Variants in RNLS observed in about 807,000 individuals in gnomAD.
The protein encoded by RNLS is renalase, FAD dependent amine oxidase.
A neutral mutation model predicts 39.8 loss-of-function variants in RNLS; 39 were observed. The ratio of observed to expected loss-of-function variants is 0.98; its 90% CI spans 0.76 to 1.28. The LOEUF (loss-of-function observed/expected upper bound fraction) is 1.28, where lower values mean the gene tolerates loss of function less well. RNLS is among the 50% of genes most tolerant of loss of function. The probability of loss-of-function intolerance (pLI) is 0.00; values close to 1 mark genes in which losing one functional copy is unlikely to be tolerated. For synonymous variants in RNLS, 147 were observed against 150.7 expected, an observed-to-expected ratio of 0.98 and a Z score of 0.18; for missense variants, 410 against 413.3, an observed-to-expected ratio of 0.99 and a Z score of 0.07.
the RNLS span, among the ~76,000 whole-genome samples, chr10:88,261,158 T>C: frequency 6.6e-6 from 1 of 152,258 alleles, no homozygotes; most frequent in African/African-American, 2.4e-5. Context: ...GTTTCATTCC[T>C]CTTTCTGTAT....
chr10:88,272,591 T>C (rs1366172971), downstream of RNLS, among the ~76,000 whole-genome samples: 2 of 152,190 alleles, frequency 1.3e-5, no homozygotes, highest in Admixed American at 6.5e-5. Flanking sequence ...TTTTGATCCC[T>C]AACATATCCC....
At chr10:88,359,967 G>A (rs1399412666) in intron 5 of RNLS, among the ~76,000 whole-genome samples, 1 of 152,176 alleles carries the variant, frequency 6.6e-6, no homozygotes. Context: ...CTTCACCAAA[G>A]AAACAGAAAT....
At chr10:88,415,493 A>G (rs985901202) in intron 4 of RNLS, among the ~76,000 whole-genome samples, 3 of 152,222 alleles carry the variant, frequency 2.0e-5, no homozygotes, top group Non-Finnish European at 4.4e-5. Flanking sequence ...CCCCCTCAAC[A>G]AACTGGTCAA....
At chr10:88,527,099 C>A (rs1847149970) in intron 4 of RNLS, among the ~76,000 whole-genome samples, 1 of 152,122 alleles carries the variant, frequency 6.6e-6, no homozygotes, top group Non-Finnish European at 1.5e-5. Flanking sequence ...TCTGAAGGTG[C>A]AGAATCATGT....
intron 6 of RNLS, among the ~76,000 whole-genome samples, chr10:88,304,096 C>T (rs569630699): frequency 2.0e-5 from 3 of 152,286 alleles, no homozygotes; most frequent in African/African-American, 7.2e-5. Flanking sequence ...GTGTTGGCCC[C>T]CTACAGTCTT....
chr10:88,456,955 T>G (rs959148088), intron 4 of RNLS, among the ~76,000 whole-genome samples: 1 of 152,158 alleles, frequency 6.6e-6, no homozygotes, highest in Non-Finnish European at 1.5e-5. Flanking sequence ...GAGTCATACT[T>G]GTAGGATTTA....
At chr10:88,410,875 AC>A (rs1853612860) in intron 4 of RNLS, among the ~76,000 whole-genome samples, 1 of 152,174 alleles carries the variant, frequency 6.6e-6, no homozygotes, top group African/African-American at 2.4e-5. Context: ...TTGAGACTTA[AC>A]AATACAACAT....
At chr10:88,414,896 A>C (rs1853917825) in intron 4 of RNLS, among the ~76,000 whole-genome samples, 1 of 152,194 alleles carries the variant, frequency 6.6e-6, no homozygotes. Flanking sequence ...TTTTGAGAGG[A>C]GCATTCAGGA....
At chr10:88,566,274 G>T (rs1849498481) in intron 4 of RNLS, among the ~76,000 whole-genome samples, 1 of 151,434 alleles carries the variant, frequency 6.6e-6, no homozygotes, top group African/African-American at 2.4e-5. Context: ...TTATATTAGT[G>T]GTCACTACCA....
chr10:88,430,424 T>G (rs920420620), intron 4 of RNLS, among the ~76,000 whole-genome samples: 1 of 151,880 alleles, frequency 6.6e-6, no homozygotes, highest in Non-Finnish European at 1.5e-5. Context: ...TAGACACTTG[T>G]GTCATCTGTA....
At chr10:88,467,291 T>G (rs912204707) in intron 4 of RNLS, among the ~76,000 whole-genome samples, 1 of 151,054 alleles carries the variant, frequency 6.6e-6, no homozygotes, top group Non-Finnish European at 1.5e-5. Context: ...TGTGGGAAAT[T>G]AAAAAAAATA....
intron 4 of RNLS, among the ~76,000 whole-genome samples, chr10:88,568,864 A>G (rs1043336710): frequency 2.0e-5 from 3 of 152,200 alleles, no homozygotes; most frequent in Non-Finnish European, 4.4e-5. Flanking sequence ...GGTATTAATA[A>G]TAATTCTCAC....
At chr10:88,406,982 T>C (rs1246021459) in intron 4 of RNLS, among the ~76,000 whole-genome samples, 3 of 152,042 alleles carry the variant, frequency 2.0e-5, no homozygotes, top group African/African-American at 7.2e-5. Context: ...CTCACTGATA[T>C]GTGGGAGCTA....
At chr10:88,310,678 G>A (rs1235509952) in intron 6 of RNLS, among the ~76,000 whole-genome samples, 1 of 151,446 alleles carries the variant, frequency 6.6e-6, no homozygotes, top group Non-Finnish European at 1.5e-5. Context: ...TGTAATCCCA[G>A]CTACTCAGGA....
intron 4 of RNLS, among the ~76,000 whole-genome samples, chr10:88,546,980 A>G (rs1848346410): frequency 6.6e-6 from 1 of 152,056 alleles, no homozygotes; most frequent in African/African-American, 2.4e-5. Context: ...AAAGACTATG[A>G]TGCATCCAAA....
chr10:88,313,005 G>A (rs748349489), intron 6 of RNLS, among the ~76,000 whole-genome samples: 12 of 152,148 alleles, frequency 7.9e-5, no homozygotes, highest in Non-Finnish European at 1.6e-4. Context: ...TAGACTTCAT[G>A]ACTTCAGAGT....
At chr10:88,336,489 G>A (rs1477929936) in intron 5 of RNLS, among the ~76,000 whole-genome samples, 2 of 152,168 alleles carry the variant, frequency 1.3e-5, no homozygotes, top group East Asian at 3.8e-4. Flanking sequence ...ATATAAACAA[G>A]TGTGTAAAAC....
chr10:88,459,811 C>T (rs529527658), intron 4 of RNLS, among the ~76,000 whole-genome samples: 15 of 152,226 alleles, frequency 9.9e-5, no homozygotes, highest in African/African-American at 3.6e-4. Context: ...TCTGTACTCA[C>T]GATTAAAGGG....
At chr10:88,205,779 A>G in the RNLS span, among the ~76,000 whole-genome samples, 1 of 152,160 alleles carries the variant, frequency 6.6e-6, no homozygotes. Context: ...CAGAGGAGGG[A>G]TAAGCCATCC....
Sources: allele counts gnomAD v4.1 joint callset (sites outside exome capture counted in the v4.1 genomes callset), GRCh38; gene constraint gnomAD v4.1.1; transcripts MANE v1.5; gene names NCBI Gene and HGNC (gene_info 2026-07-23, HGNC 2026-07-21).